The following LUZP2 variants were observed in gnomAD, a reference collection of about 807,000 sequenced individuals.
LUZP2 encodes the protein leucine zipper protein 2.
A neutral mutation model predicts 51.6 loss-of-function variants in LUZP2; 52 were observed. That is an observed-to-expected ratio of 1.01 (90% CI 0.81 to 1.27). The LOEUF is 1.27. Ranked by LOEUF, LUZP2 falls within the 50% of genes most tolerant of loss-of-function variation. LUZP2 has a pLI of 0.00. For missense variants in LUZP2, 436 were observed against 395.4 expected (o/e 1.10, Z -0.87); for synonymous variants, 154 against 137.3 (o/e 1.12, Z -0.85).
chr11:24,521,545 T>C (rs747304207), intron 1 of LUZP2, among the ~76,000 whole-genome samples: 1 of 152,252 alleles, frequency 6.6e-6, no homozygotes, highest in Non-Finnish European at 1.5e-5. Flanking sequence ...TTACAAGCTT[T>C]GTAGACTTAC....
intron 7 of LUZP2, among the ~76,000 whole-genome samples, chr11:24,956,540 G>A (rs1481181318): frequency 6.6e-6 from 1 of 152,084 alleles, no homozygotes; most frequent in Admixed American, 6.6e-5. Flanking sequence ...TGCTGTTTTG[G>A]AGGAATCAGA....
chr11:24,920,543 A>G (rs1480407313), intron 7 of LUZP2, among the ~76,000 whole-genome samples: 1 of 152,126 alleles, frequency 6.6e-6, no homozygotes, highest in Non-Finnish European at 1.5e-5. Context: ...ATCAATTGTA[A>G]TATTCATCAA....
chr11:25,011,011 G>A (rs1186159137), intron 9 of LUZP2, among the ~76,000 whole-genome samples: 1 of 152,112 alleles, frequency 6.6e-6, no homozygotes, highest in African/African-American at 2.4e-5. Context: ...TCCATTAGAG[G>A]CTAAAATTAG....
chr11:24,832,330 G>GA (rs1407444411), intron 5 of LUZP2, among the ~76,000 whole-genome samples: 1 of 151,314 alleles, frequency 6.6e-6, no homozygotes, highest in African/African-American at 2.4e-5. Flanking sequence ...CATCAAGCAA[G>GA]AAAAAAATAA....
intron 1 of LUZP2, among the ~76,000 whole-genome samples, chr11:24,544,152 T>A (rs545194052): frequency 6.6e-6 from 1 of 151,986 alleles, no homozygotes; most frequent in African/African-American, 2.4e-5. Context: ...GAGAAACAAC[T>A]GGGGGTGATG....
intron 5 of LUZP2, among the ~76,000 whole-genome samples, chr11:24,868,989 T>G (rs1851975072): frequency 6.6e-6 from 1 of 152,216 alleles, no homozygotes; most frequent in African/African-American, 2.4e-5. Flanking sequence ...GTAATGAATG[T>G]ATTTTCGCTA....
At chr11:24,531,457 A>G (rs980314584) in intron 1 of LUZP2, among the ~76,000 whole-genome samples, 6 of 150,840 alleles carry the variant, frequency 4.0e-5, no homozygotes, top group African/African-American at 7.3e-5. Flanking sequence ...TCATTCTCCT[A>G]GTTTTGAAAG....
At chr11:24,919,952 T>G (rs1310523470) in intron 7 of LUZP2, among the ~76,000 whole-genome samples, 1 of 151,732 alleles carries the variant, frequency 6.6e-6, no homozygotes, top group East Asian at 1.9e-4. Context: ...CTAAGAAATT[T>G]TATGAATGAA....
In LUZP2 at chr11:25,080,716, T is replaced by C. The variant is rs986241854; in HGVS notation, c.*2058T>C. ...TGACAGGGAAGCAGATCATTTAGTT[T>C]TAATTTATGTTCAGTCTCCCACCTC... On this transcript the variant is annotated 3_prime_UTR_variant, in exon 12 of 12. Coordinates refer to ENST00000336930, the MANE Select transcript of LUZP2 (RefSeq NM_001009909.4). 2 of 152,196 alleles carry C rather than the reference T, an allele frequency of 1.3e-5. No homozygotes were observed. Among genetic ancestry groups the C allele is most frequent in the African/African-American group, 4.8e-5 (2 of 41,440 alleles). The allele number at this position is 152,196 out of a possible 1,614,324, so 9.4% of individuals were successfully genotyped here.
chr11:25,076,978 A>T (rs529232437), intron 10 of LUZP2, among the ~76,000 whole-genome samples: 2 of 152,306 alleles, frequency 1.3e-5, no homozygotes, highest in South Asian at 4.1e-4. Flanking sequence ...CTGATAATTG[A>T]CATATATAAA....
chr11:24,680,012 A>G (rs146179143), intron 1 of LUZP2, among the ~76,000 whole-genome samples: 21 of 152,342 alleles, frequency 1.4e-4, no homozygotes, highest in African/African-American at 4.8e-4. Flanking sequence ...AGGGAAATTA[A>G]CATCCCCATT....
At position 24,768,277 on chromosome 11, in the gene LUZP2, G is replaced by A. The variant is rs147753349; in HGVS notation, c.396+4969G>A. On this transcript the variant is annotated intron_variant, in intron 5 of 11. Transcript: ENST00000336930. ...GCCTCCCAAGTATCTGGGACTACAG[G>A]CATTATATTTTTAGTGGAGACAGGG... is the stretch of plus-strand genomic sequence containing the variant. Among the ~76,000 whole-genome samples the A allele has an allele frequency of 1.2e-3, 182 of 152,146 alleles. 1 individual carries two copies. The South Asian group carries it at 0.023, about 19-fold the overall frequency.
chr11:24,965,754 G>A (rs1565169167), intron 7 of LUZP2, among the ~76,000 whole-genome samples: 1 of 151,674 alleles, frequency 6.6e-6, no homozygotes, highest in Non-Finnish European at 1.5e-5. Flanking sequence ...ATATTAAATG[G>A]CTCATTTAAA....
chr11:24,979,440 T>C (rs985561646), intron 8 of LUZP2, among the ~76,000 whole-genome samples: 1 of 151,844 alleles, frequency 6.6e-6, no homozygotes, highest in African/African-American at 2.4e-5. Context: ...CTCCATCATC[T>C]TTATATGAGG....
At chr11:24,777,249 T>C (rs1473625273) in intron 5 of LUZP2, among the ~76,000 whole-genome samples, 2 of 152,068 alleles carry the variant, frequency 1.3e-5, no homozygotes, top group Non-Finnish European at 2.9e-5. Flanking sequence ...CGCCTCGGCC[T>C]CCCAAAGTGC....
chr11:24,852,381 A>T, intron 5 of LUZP2, among the ~76,000 whole-genome samples: 1 of 152,160 alleles, frequency 6.6e-6, no homozygotes, highest in East Asian at 1.9e-4. Flanking sequence ...GTCATTCAGG[A>T]GCAGGTTGTT....
intron 9 of LUZP2, among the ~76,000 whole-genome samples, chr11:24,986,708 A>C (rs1334422218): frequency 6.6e-6 from 1 of 151,768 alleles, no homozygotes; most frequent in African/African-American, 2.4e-5. Context: ...GGCTTGTGTA[A>C]TTAATAGCAT....
At chr11:24,838,201 C>G (rs1850914557) in intron 5 of LUZP2, among the ~76,000 whole-genome samples, 1 of 151,594 alleles carries the variant, frequency 6.6e-6, no homozygotes, top group African/African-American at 2.4e-5. Context: ...AAATATTACA[C>G]ACTACTGGCT....
At chr11:24,687,982 A>G (rs1371534562) in intron 1 of LUZP2, among the ~76,000 whole-genome samples, 2 of 151,976 alleles carry the variant, frequency 1.3e-5, no homozygotes, top group Non-Finnish European at 2.9e-5. Flanking sequence ...GGCTTCACTA[A>G]GTCTCTCTTT....
Sources: gnomAD v4.1 joint callset for allele counts (sites outside exome capture counted in the v4.1 genomes callset) on GRCh38, gnomAD v4.1.1 for gene constraint, MANE v1.5 for transcripts, NCBI Gene and HGNC (gene_info 2026-07-23, HGNC 2026-07-21) for gene names.